YPEL1: variants seen among roughly 807,000 people sequenced by gnomAD.
YPEL1 encodes the protein yippee like 1, also known as protein yippee-like 1.
In YPEL1, 7 loss-of-function variants were observed where a neutral mutation model predicts 17.3. The observed-to-expected ratio is 0.40, with a 90% CI of 0.23 to 0.76. YPEL1 has a LOEUF of 0.76. Ranked by LOEUF, YPEL1 falls within the 30% of genes least tolerant of loss-of-function variation. YPEL1 has a pLI of 0.35. For synonymous variants in YPEL1, 59 were observed against 59.6 expected, an observed-to-expected ratio of 0.99 and a Z score of 0.05; for missense variants, 91 against 155.5, an observed-to-expected ratio of 0.59 and a Z score of 2.21.
chr22:21,714,697 G>A (rs1478339771), intron 1 of YPEL1, among the ~76,000 whole-genome samples: 2 of 152,132 alleles, frequency 1.3e-5, no homozygotes, highest in African/African-American at 2.4e-5. Flanking sequence ...CCCAAGTGCC[G>A]GTGACAAGGT....
chr22:21,723,645 G>A (rs910030670), intron 1 of YPEL1, among the ~76,000 whole-genome samples: 1 of 151,830 alleles, frequency 6.6e-6, no homozygotes, highest in East Asian at 1.9e-4. Flanking sequence ...AGGATTACAG[G>A]TGTGAGCCAC....
chr22:21,703,749 C>T lies in YPEL1; in HGVS notation c.161+90G>A. The stretch of plus-strand genomic sequence containing the variant: ...GGTTCTTTCAGGACCCCTAAAGACC[C>T]AGGTGATTCTACACAGGGCACTGTG... On this transcript the variant is annotated intron_variant, in intron 3 of 4. Transcript: ENST00000339468. The surrounding 1 kb of genome is among the most constrained non-coding windows in gnomAD (Gnocchi z 6.1). 1.4e-6 allele frequency: 2 copies of T among 1,424,494 alleles called. No homozygotes were observed. The highest frequency in any genetic ancestry group is 1.4e-5 in the African/African-American group (1 of 69,888). 88.2% of individuals were successfully genotyped at this position (1,424,494 alleles called of 1,614,324 possible). A position where few individuals can be genotyped will look rare whatever the true frequency, so the allele number is the denominator to read the frequency against.
At chr22:21,713,993 C>A (rs562586195) in intron 1 of YPEL1, among the ~76,000 whole-genome samples, 157 of 152,238 alleles carry the variant, frequency 1.0e-3, no homozygotes, top group African/African-American at 3.7e-3. Context: ...GGAAGAAGAG[C>A]CAAGCGCCAG....
intron 1 of YPEL1, among the ~76,000 whole-genome samples, chr22:21,718,740 A>G (rs2068252218): frequency 6.6e-6 from 1 of 152,032 alleles, no homozygotes; most frequent in African/African-American, 2.4e-5. Context: ...TCTAGCAGGA[A>G]TTTTGTGGAG....
rs571665164 is a variant in YPEL1, at chr22:21,709,110, C to A, written c.117+1518G>T. ...AACCATGCATGGGGCCGGACATTGA[C>A]CACCTCTCAGTGCTCAGGTCACCTG... On this transcript the variant is annotated intron_variant, in intron 2 of 4. Coordinates refer to ENST00000339468, the MANE Select transcript of YPEL1 (RefSeq NM_013313.5). 2.0e-5 allele frequency among the ~76,000 whole-genome samples: 3 copies of A among 152,184 alleles called. No homozygotes were observed. In the East Asian group the frequency reaches 5.8e-4, roughly 29 times the overall value.
In YPEL1 at chr22:21,710,671, T is replaced by C; in HGVS notation, c.74A>G (p.His25Arg). Residue 25 changes from histidine to arginine, a missense_variant, in exon 2 of 5, where the codon CAC becomes CGC. Coordinates refer to ENST00000339468, the MANE Select transcript of YPEL1 (RefSeq NM_013313.5). ...ATGATTGGCCAGGTGTGCTCTGCAG[T>C]GGATACAGCTGTACGTTCGGTGACA... is the stretch of plus-strand genomic sequence containing the variant. ...PNCHRTYSCI[H>R]CRAHLANHDE... is the part of the protein sequence containing the mutation. 6.2e-7 allele frequency: 1 copy of C among 1,614,258 alleles called. No individual in the cohort carries two copies. Among genetic ancestry groups the C allele is most frequent in the Admixed American group, 1.7e-5 (1 of 60,028 alleles).
chr22:21,703,334 C>A lies in YPEL1; in HGVS notation c.270+36G>T. ...GCTCAGTGGCAACTTAGTGCCACATCCCCTTGTGGCACGAGCATCCCCTTG... is the reference window on the plus strand; with the variant it reads ...GCTCAGTGGCAACTTAGTGCCACATACCCTTGTGGCACGAGCATCCCCTTG... On this transcript the variant is annotated intron_variant, in intron 4 of 4. Coordinates refer to ENST00000339468, the MANE Select transcript of YPEL1 (RefSeq NM_013313.5). This position sits in a 1 kb window ranked among gnomAD's most constrained non-coding sequence, Gnocchi z 6.1. The A allele has an allele frequency of 6.3e-7, 1 of 1,578,584 alleles. No homozygotes were observed.
At chr22:21,705,511 T>A (rs914818317) in intron 2 of YPEL1, among the ~76,000 whole-genome samples, 13 of 152,208 alleles carry the variant, frequency 8.5e-5, no homozygotes, top group Non-Finnish European at 1.9e-4. Context: ...CAGCCCTTTT[T>A]TGGGGTTTTT....
chr22:21,701,714 C>T (rs779317045), intron 4 of YPEL1, among the ~76,000 whole-genome samples: 1 of 152,198 alleles, frequency 6.6e-6, no homozygotes, highest in African/African-American at 2.4e-5. Context: ...CCAGGAATTC[C>T]GTGCATAACT....
chr22:21,700,011 C>G lies in YPEL1; in HGVS notation c.*1118G>C, dbSNP rs538155894. On this transcript the variant is annotated 3_prime_UTR_variant, in exon 5 of 5. Coordinates refer to ENST00000339468, the MANE Select transcript of YPEL1 (RefSeq NM_013313.5). ...GCTTAAATAAACATGTTCCACTAGA[C>G]ACCATTCTCAATTTAGAGTGTATCT... is the stretch of plus-strand genomic sequence containing the variant. The G allele has an allele frequency of 6.6e-6, 1 of 152,492 alleles. No homozygotes were observed. Among genetic ancestry groups the G allele is most frequent in the South Asian group, 2.1e-4 (1 of 4,828 alleles). 9.4% of individuals were successfully genotyped at this position (152,492 alleles called of 1,614,324 possible). A position where few individuals can be genotyped will look rare whatever the true frequency, so the allele number is the denominator to read the frequency against.
chr22:21,717,970 AGT>A, intron 1 of YPEL1, among the ~76,000 whole-genome samples: 1 of 151,248 alleles, frequency 6.6e-6, no homozygotes, highest in African/African-American at 2.4e-5. Context: ...ACGCAAAAAA[AGT>A]GTTTTTCAAT....
chr22:21,716,097 T>C (rs541482761), intron 1 of YPEL1, among the ~76,000 whole-genome samples: 3 of 151,976 alleles, frequency 2.0e-5, no homozygotes, highest in East Asian at 1.9e-4. Context: ...TTAGTAGAGA[T>C]GGGGTTTCAC....
chr22:21,712,725 C>CAAAAAAAAA (rs33967845), intron 1 of YPEL1, among the ~76,000 whole-genome samples: 2 of 89,636 alleles, frequency 2.2e-5, no homozygotes, highest in African/African-American at 4.9e-5. Context: ...GACTACATCT[C>CAAAAAAAAA]AAAAAAAAAA....
intron 2 of YPEL1, 148 bp from the exon 3 acceptor site, chr22:21,704,030 C>T (rs1479849591): frequency 1.8e-5 from 15 of 849,810 alleles, no homozygotes; most frequent in Non-Finnish European, 3.0e-5. Context: ...CCCTCCAGAA[C>T]TCCACTTCTA....
intron 1 of YPEL1, among the ~76,000 whole-genome samples, chr22:21,734,755 T>C (rs1199202075): frequency 6.6e-6 from 1 of 152,178 alleles, no homozygotes; most frequent in Non-Finnish European, 1.5e-5. Flanking sequence ...GTCACATCTA[T>C]AGCTTGCTCA....
intron 1 of YPEL1, among the ~76,000 whole-genome samples, chr22:21,721,728 AT>A (rs1003910650): frequency 1.3e-5 from 2 of 151,418 alleles, no homozygotes; most frequent in African/African-American, 2.4e-5. Flanking sequence ...CCGGCCCAAC[AT>A]TTTTTTTTCT....
At position 21,701,057 on chromosome 22, in the gene YPEL1, C is replaced by T. The variant is rs2068060393; in HGVS notation, c.*72G>A. On this transcript the variant is annotated 3_prime_UTR_variant, in exon 5 of 5. Coordinates refer to ENST00000339468, the MANE Select transcript of YPEL1 (RefSeq NM_013313.5). ...GGGCAAGAAAGGCTGTCACCAGATGCTCCTACGTTTCCATTACATTCACAG... is the reference window on the plus strand; with the variant it reads ...GGGCAAGAAAGGCTGTCACCAGATGTTCCTACGTTTCCATTACATTCACAG... The T allele has an allele frequency of 2.2e-6, 3 of 1,388,206 alleles. No individual in the cohort carries two copies. The allele number at this position is 1,388,206 out of a possible 1,614,324, so 86.0% of individuals were successfully genotyped here. A position where few individuals can be genotyped will look rare whatever the true frequency, so the allele number is the denominator to read the frequency against.
intron 2 of YPEL1, among the ~76,000 whole-genome samples, chr22:21,706,436 CAAA>C (rs111878891): frequency 8.1e-5 from 7 of 86,802 alleles, no homozygotes; most frequent in Admixed American, 1.3e-4. Context: ...CTCCGTCTCA[CAAA>C]AAAAAAAAAA....
In YPEL1 at chr22:21,728,007, G is replaced by A. The variant is rs1277155167; in HGVS notation, c.-165+7608C>T. 2.0e-5 allele frequency among the ~76,000 whole-genome samples: 3 copies of A among 152,250 alleles called. No homozygotes were observed. In the South Asian group the frequency reaches 6.2e-4, roughly 32 times the overall value. ...AGAACTGGGGCGTCTGCTGGGCGTGGCGATGAAGGGGCTGGTGTGCCAGGT... is the reference window on the plus strand; with the variant it reads ...AGAACTGGGGCGTCTGCTGGGCGTGACGATGAAGGGGCTGGTGTGCCAGGT... On this transcript the variant is annotated intron_variant, in intron 1 of 4. Coordinates refer to ENST00000339468, the MANE Select transcript of YPEL1 (RefSeq NM_013313.5).
Sources: gnomAD v4.1 joint callset for allele counts (sites outside exome capture counted in the v4.1 genomes callset) on GRCh38, gnomAD v4.1.1 for gene constraint, Gnocchi (gnomAD v3.1) non-coding constraint, MANE v1.5 for transcripts, NCBI Gene and HGNC (gene_info 2026-07-23, HGNC 2026-07-21) for gene names.